P4HA1: variants seen among roughly 807,000 people sequenced by gnomAD.
P4HA1 encodes prolyl 4-hydroxylase subunit alpha 1, also known as prolyl 4-hydroxylase subunit alpha-1.
Under a neutral mutation model 72.8 loss-of-function variants are expected in P4HA1, and 24 were observed. That is an observed-to-expected ratio of 0.33 (90% CI 0.24 to 0.46). P4HA1 has a LOEUF of 0.46. Among genes scored for constraint, P4HA1 ranks in the 20% least tolerant of loss-of-function variants. The pLI is 1.00. For missense variants in P4HA1, 446 were observed against 640.6 expected, an observed-to-expected ratio of 0.70 and a Z score of 3.28; for synonymous variants, 201 against 218.8, an observed-to-expected ratio of 0.92 and a Z score of 0.72.
intron 1 of P4HA1, among the ~76,000 whole-genome samples, chr10:73,093,828 G>C (rs1842087094): frequency 1.1e-5 from 1 of 90,760 alleles, no homozygotes. Context: ...GGGTGGCAGA[G>C]TGAAACTCCA....
chr10:73,009,991 C>CA (rs1359371115), intron 13 of P4HA1, 88 bp from the exon 14 acceptor site: 11 of 697,690 alleles, frequency 1.6e-5, no homozygotes, highest in Non-Finnish European at 2.0e-5. Flanking sequence ...TTTTTTGAGA[C>CA]AGAGTCTTGC....
At chr10:73,011,989 T>A (rs2133030961) in intron 12 of P4HA1, among the ~76,000 whole-genome samples, 1 of 152,292 alleles carries the variant, frequency 6.6e-6, no homozygotes, top group South Asian at 2.1e-4. Flanking sequence ...CTGAGGAAAT[T>A]AAAAAGTTGT....
At chr10:73,014,141 G>T in intron 12 of P4HA1, 83 bp downstream of exon 12, 1 of 937,328 alleles carries the variant, frequency 1.1e-6, no homozygotes, top group Non-Finnish European at 1.7e-6. Flanking sequence ...CTGAATCAGA[G>T]CTACACAGAA....
intron 4 of P4HA1, among the ~76,000 whole-genome samples, chr10:73,070,116 G>A (rs993569280): frequency 3.3e-5 from 4 of 121,116 alleles, no homozygotes; most frequent in Admixed American, 9.2e-5. Context: ...AGCCAGCTAC[G>A]TATTTTGAAC....
In P4HA1 at chr10:73,060,818, AT is replaced by A. The variant is rs375052487; in HGVS notation, c.464-7229del. On this transcript the variant is annotated intron_variant, in intron 5 of 14. Transcript: ENST00000394890. The stretch of plus-strand genomic sequence containing the variant: ...GAATAGGCTGAAATACAAAAAAAAA[AT>A]AATAATATCCATATTCATGATATGT... 4.0e-4 allele frequency among the ~76,000 whole-genome samples: 61 copies of A among 152,272 alleles called. 1 individual carries two copies. Among genetic ancestry groups the A allele is most frequent in the African/African-American group, 1.2e-3 (51 of 41,554 alleles).
At chr10:73,092,698 A>G (rs1467181819) in intron 1 of P4HA1, among the ~76,000 whole-genome samples, 2 of 151,770 alleles carry the variant, frequency 1.3e-5, no homozygotes, top group African/African-American at 2.4e-5. Context: ...AAAAATTTAA[A>G]TATAAATTTA....
intron 8 of P4HA1, among the ~76,000 whole-genome samples, chr10:73,046,545 TC>T (rs546037392): frequency 1.4e-4 from 21 of 152,308 alleles, no homozygotes; most frequent in Admixed American, 5.2e-4. Context: ...TAAAAATACT[TC>T]CACGGTATTC....
In P4HA1 at chr10:73,051,102, G is replaced by A. The variant is rs766666409; in HGVS notation, c.851C>T (p.Pro284Leu). 2 of 1,614,038 alleles carry A rather than the reference G, an allele frequency of 1.2e-6. No homozygotes were observed. The highest frequency in any genetic ancestry group is 1.7e-5 in the Admixed American group (1 of 60,010). The change falls in exon 7 of 15, where the codon CCA becomes CTA. Residue 284 changes from proline to leucine, a missense_variant. Pro to Leu is a moderately conservative substitution (Grantham distance 98). Coordinates refer to ENST00000394890, the MANE Select transcript of P4HA1 (RefSeq NM_001017962.3). ...CAGCATTTCGTACTTCTGTCTCTCT[G>A]GCAGGTAATCCACAGCAACCCCTTT... ...KKKGVAVDYL[P>L]ERQKYEMLCR...
At chr10:73,058,117 AAAG>A (rs1262730003) in intron 5 of P4HA1, among the ~76,000 whole-genome samples, 2,031 of 142,214 alleles carry the variant, frequency 0.014, 193 homozygotes, top group African/African-American at 0.053. Flanking sequence ...AAAAAAAAAA[AAAG>A]GTGAATAAAG....
intron 7 of P4HA1, among the ~76,000 whole-genome samples, chr10:73,049,371 C>T (rs1840958454): frequency 6.6e-6 from 1 of 152,158 alleles, no homozygotes. Flanking sequence ...GTACTTACTC[C>T]AAAAATTCAC....
In P4HA1 at chr10:73,080,862, A is replaced by G. The variant is rs189049479; in HGVS notation, c.-32-5947T>C. On this transcript the variant is annotated intron_variant, in intron 1 of 14. Transcript: ENST00000394890. Reference sequence around the variant, plus strand: ...AGAATCACTTGAACCCGGGAGGTGGAGGTTGCAGTGAGCTGAGATTGCGCC... The same window carrying G: ...AGAATCACTTGAACCCGGGAGGTGGGGGTTGCAGTGAGCTGAGATTGCGCC... Among the ~76,000 whole-genome samples, 163 of 152,338 alleles carry G rather than the reference A, an allele frequency of 1.1e-3. 1 individual carries two copies. The highest frequency in any genetic ancestry group is 1.9e-3 in the African/African-American group (78 of 41,574).
chr10:73,042,485 T>A (rs1184902397), intron 9 of P4HA1, among the ~76,000 whole-genome samples: 1 of 152,186 alleles, frequency 6.6e-6, no homozygotes, highest in Non-Finnish European at 1.5e-5. Context: ...ATAATTTAGT[T>A]TCGAATGATT....
At chr10:73,035,230 G>A (rs1299467360) in intron 9 of P4HA1, among the ~76,000 whole-genome samples, 1 of 149,992 alleles carries the variant, frequency 6.7e-6, no homozygotes, top group Non-Finnish European at 1.5e-5. Flanking sequence ...TTAAACTACT[G>A]CTTTTAGAAA....
Position 73,076,360 on chromosome 10 carries a change from GT to G in P4HA1, c.-32-1446del, listed in dbSNP as rs553512800. ...AATACAGGTCTGTACCACTGTGCCT[GT>G]TTTTTTTTTTTTTTTAAGTTGTAGA... On this transcript the variant is annotated intron_variant, in intron 1 of 14. Transcript: ENST00000394890. Among the ~76,000 whole-genome samples, 811 of 135,912 alleles carry G rather than the reference GT, an allele frequency of 6.0e-3. 1 individual carries two copies. Among genetic ancestry groups the G allele is most frequent in the Middle Eastern group, 7.6e-3 (2 of 262 alleles). 89.2% of individuals were successfully genotyped at this position (135,912 alleles called of 152,430 possible). A position where few individuals can be genotyped will look rare whatever the true frequency, so the allele number is the denominator to read the frequency against.
chr10:73,068,450 T>A (rs1841476215), intron 5 of P4HA1, among the ~76,000 whole-genome samples: 1 of 152,228 alleles, frequency 6.6e-6, no homozygotes, highest in African/African-American at 2.4e-5. Context: ...CATATGTGGA[T>A]ACCCAAAACA....
At chr10:73,027,406 C>A (rs2133056287) in intron 10 of P4HA1, among the ~76,000 whole-genome samples, 1 of 147,832 alleles carries the variant, frequency 6.8e-6, no homozygotes, top group Non-Finnish European at 1.5e-5. Context: ...AATGAGAACA[C>A]TTGGACACAG....
intron 7 of P4HA1, among the ~76,000 whole-genome samples, chr10:73,048,472 C>A (rs909696903): frequency 6.6e-6 from 1 of 152,052 alleles, no homozygotes; most frequent in Admixed American, 6.6e-5. Flanking sequence ...ACCATGTTGG[C>A]CAGGCTGGTC....
intron 9 of P4HA1, among the ~76,000 whole-genome samples, chr10:73,039,363 G>C (rs896140737): frequency 6.6e-6 from 1 of 152,118 alleles, no homozygotes; most frequent in African/African-American, 2.4e-5. Context: ...CTGGAGTGCA[G>C]TGGCGCAATT....
At chr10:73,052,305 T>C (rs1353479674) in intron 6 of P4HA1, among the ~76,000 whole-genome samples, 1 of 152,304 alleles carries the variant, frequency 6.6e-6, no homozygotes, top group Non-Finnish European at 1.5e-5. Context: ...GCTTAGATTG[T>C]AAAATATTTC....
Sources: gnomAD v4.1 joint callset for allele counts (sites outside exome capture counted in the v4.1 genomes callset) on GRCh38, gnomAD v4.1.1 for gene constraint, MANE v1.5 for transcripts, NCBI Gene and HGNC (gene_info 2026-07-23, HGNC 2026-07-21) for gene names.